LARGE1: variants seen among roughly 807,000 people sequenced by gnomAD.
LARGE1 encodes the protein xylosyl- and glucuronyltransferase LARGE1.
Under a neutral mutation model 87.6 loss-of-function variants are expected in LARGE1, and 43 were observed. That is an observed-to-expected ratio of 0.49 (90% CI 0.38 to 0.63). The LOEUF is 0.63. LARGE1 is among the 30% of genes least tolerant of loss of function. LARGE1 has a pLI of 0.00. For missense variants in LARGE1, 802 were observed against 1,000.2 expected, an observed-to-expected ratio of 0.80 and a Z score of 2.67; for synonymous variants, 434 against 394.6, an observed-to-expected ratio of 1.10 and a Z score of -1.18.
At chr22:33,514,353 G>A (rs1324669796) in intron 6 of LARGE1, among the ~76,000 whole-genome samples, 1 of 151,994 alleles carries the variant, frequency 6.6e-6, no homozygotes, top group Non-Finnish European at 1.5e-5. Context: ...TATATTCATA[G>A]ACATATGCAC....
At chr22:33,569,314 C>T (rs1402497959) in intron 5 of LARGE1, among the ~76,000 whole-genome samples, 3 of 152,180 alleles carry the variant, frequency 2.0e-5, no homozygotes, top group South Asian at 2.1e-4. Context: ...AATTAGATTG[C>T]CCTGACTCTC....
chr22:33,397,189 C>G, intron 7 of LARGE1, among the ~76,000 whole-genome samples: 1 of 152,000 alleles, frequency 6.6e-6, no homozygotes, highest in Non-Finnish European at 1.5e-5. Flanking sequence ...GATCTCTTTT[C>G]ACCGCAACCT....
At chr22:33,134,710 G>A in the LARGE1 span, among the ~76,000 whole-genome samples, 1 of 152,126 alleles carries the variant, frequency 6.6e-6, no homozygotes, top group African/African-American at 2.4e-5. Context: ...CAGGTAAGAA[G>A]TCTATTTCTT....
At chr22:33,788,440 A>G (rs1048652729) in intron 1 of LARGE1, among the ~76,000 whole-genome samples, 1 of 152,214 alleles carries the variant, frequency 6.6e-6, no homozygotes, top group African/African-American at 2.4e-5. Context: ...GTGCTGCAAT[A>G]AAGATACCCA....
intron 6 of LARGE1, among the ~76,000 whole-genome samples, chr22:33,482,884 G>C (rs1325859706): frequency 1.3e-5 from 2 of 152,162 alleles, no homozygotes; most frequent in Admixed American, 6.6e-5. Flanking sequence ...TCAAGAGTTT[G>C]AGCACTTGAG....
chr22:33,511,214 G>A (rs1180456160), intron 6 of LARGE1, among the ~76,000 whole-genome samples: 3 of 152,144 alleles, frequency 2.0e-5, no homozygotes, highest in Non-Finnish European at 4.4e-5. Context: ...TCTTTATGTT[G>A]CTGATGCCAG....
chr22:33,265,612 TCA>T (rs1380531153), intron 11 of LARGE1, among the ~76,000 whole-genome samples: 2 of 152,178 alleles, frequency 1.3e-5, no homozygotes, highest in Non-Finnish European at 2.9e-5. Flanking sequence ...ACGTCACTAC[TCA>T]CACACCCATC....
intron 6 of LARGE1, among the ~76,000 whole-genome samples, chr22:33,507,180 TC>T (rs2070807016): frequency 6.6e-6 from 1 of 152,116 alleles, no homozygotes; most frequent in Non-Finnish European, 1.5e-5. Flanking sequence ...GACATGAACA[TC>T]CCAGGCATAG....
At chr22:33,868,290 G>A (rs2064168567) in intron 1 of LARGE1, among the ~76,000 whole-genome samples, 1 of 152,142 alleles carries the variant, frequency 6.6e-6, no homozygotes. Flanking sequence ...CCTGAGAAAC[G>A]CCAGGTTTGG....
chr22:33,393,205 A>C (rs1437937926), intron 7 of LARGE1, among the ~76,000 whole-genome samples: 1 of 152,362 alleles, frequency 6.6e-6, no homozygotes, highest in Non-Finnish European at 1.5e-5. Context: ...AGGAGTTTGC[A>C]CTCAGGTCAT....
At chr22:33,629,500 A>T (rs1602824423) in intron 3 of LARGE1, among the ~76,000 whole-genome samples, 1 of 152,190 alleles carries the variant, frequency 6.6e-6, no homozygotes, top group African/African-American at 2.4e-5. Context: ...GCATAGCAGC[A>T]GGGCCCTGCT....
intron 11 of LARGE1, among the ~76,000 whole-genome samples, chr22:33,194,674 T>C (rs1309291515): frequency 6.6e-6 from 1 of 152,186 alleles, no homozygotes; most frequent in Non-Finnish European, 1.5e-5. Context: ...TTTGGTTTGT[T>C]GCTTCTTCTC....
chr22:33,206,055 C>T (rs970255727), intron 11 of LARGE1, among the ~76,000 whole-genome samples: 2 of 150,282 alleles, frequency 1.3e-5, no homozygotes, highest in African/African-American at 2.4e-5. Context: ...CCCCGGTTCA[C>T]GCCATTCTCC....
intron 6 of LARGE1, among the ~76,000 whole-genome samples, chr22:33,526,376 G>A (rs1188668397): frequency 2.0e-5 from 3 of 152,244 alleles, no homozygotes; most frequent in Non-Finnish European, 4.4e-5. Context: ...TTAAAGAAAA[G>A]AGAGATGGAC....
chr22:33,879,637 T>C (rs976559396), intron 1 of LARGE1, among the ~76,000 whole-genome samples: 2 of 152,246 alleles, frequency 1.3e-5, no homozygotes, highest in Non-Finnish European at 2.9e-5. Flanking sequence ...AACCACTTTT[T>C]CTTTAAAGCC....
At chr22:33,786,490 A>G (rs2085644912) in intron 1 of LARGE1, among the ~76,000 whole-genome samples, 1 of 152,192 alleles carries the variant, frequency 6.6e-6, no homozygotes, top group African/African-American at 2.4e-5. Context: ...TCCAAGAGAT[A>G]GGAAACAGTA....
intron 6 of LARGE1, among the ~76,000 whole-genome samples, chr22:33,493,970 C>T (rs941256679): frequency 6.6e-6 from 1 of 152,360 alleles, no homozygotes. Flanking sequence ...GCAGCAGTTG[C>T]TCAATCTCTA....
the LARGE1 span, among the ~76,000 whole-genome samples, chr22:33,133,184 T>G: frequency 1.3e-5 from 2 of 151,860 alleles, no homozygotes; most frequent in Non-Finnish European, 2.9e-5. Flanking sequence ...GGGCACTTAT[T>G]TTTATTTTTT....
At chr22:33,585,522 G>A (rs916346512) in intron 5 of LARGE1, among the ~76,000 whole-genome samples, 3 of 152,146 alleles carry the variant, frequency 2.0e-5, no homozygotes, top group African/African-American at 7.2e-5. Context: ...GAGTGCATAT[G>A]AGAATAAGGT....
Sources: gnomAD v4.1 joint callset for allele counts (sites outside exome capture counted in the v4.1 genomes callset) on GRCh38, gnomAD v4.1.1 for gene constraint, MANE v1.5 for transcripts, NCBI Gene and HGNC (gene_info 2026-07-23, HGNC 2026-07-21) for gene names.